The following WWOX variants were observed in gnomAD, a reference collection of about 807,000 sequenced individuals.
WWOX encodes the protein WW domain containing oxidoreductase.
In WWOX, 69 loss-of-function variants were observed where a neutral mutation model predicts 46.2. That is an observed-to-expected ratio of 1.49 (90% CI 1.23 to 1.82). The LOEUF is 1.82. Ranked by LOEUF, WWOX falls within the 40% of genes most tolerant of loss-of-function variation. The pLI, the probability that WWOX is intolerant of heterozygous loss-of-function variation, is 0.00. For synonymous variants in WWOX, 359 were observed against 202.6 expected (o/e 1.77, Z -6.56); for missense variants, 919 against 542.6 (o/e 1.69, Z -6.89).
chr16:79,056,759 T>G (rs760118243), intron 8 of WWOX, among the ~76,000 whole-genome samples: 2 of 152,210 alleles, frequency 1.3e-5, no homozygotes, highest in Non-Finnish European at 2.9e-5. Context: ...GAAGTTTTTC[T>G]TGCTAAGTTT....
intron 8 of WWOX, among the ~76,000 whole-genome samples, chr16:78,595,121 A>C (rs2045456921): frequency 6.6e-6 from 1 of 152,198 alleles, no homozygotes. Flanking sequence ...TGGCAGAAGA[A>C]GACATTGCAA....
At chr16:78,657,369 C>T (rs1273694571) in intron 8 of WWOX, among the ~76,000 whole-genome samples, 5 of 152,100 alleles carry the variant, frequency 3.3e-5, no homozygotes, top group Admixed American at 2.6e-4. Context: ...ATAGTTCTCC[C>T]CCATCCTGTA....
chr16:78,628,157 A>G (rs750163273), intron 8 of WWOX, among the ~76,000 whole-genome samples: 2 of 152,162 alleles, frequency 1.3e-5, no homozygotes, highest in African/African-American at 2.4e-5. Flanking sequence ...GGAGGTGGGA[A>G]AGCAAAAGCT....
chr16:78,939,859 T>C (rs1446333397), intron 8 of WWOX, among the ~76,000 whole-genome samples: 1 of 152,240 alleles, frequency 6.6e-6, no homozygotes, highest in East Asian at 1.9e-4. Flanking sequence ...CTTTTTGGCA[T>C]AGACGTGTGG....
At chr16:78,875,357 T>TA in intron 8 of WWOX, among the ~76,000 whole-genome samples, 1 of 152,210 alleles carries the variant, frequency 6.6e-6, no homozygotes, top group South Asian at 2.1e-4. Context: ...AGCTTTATGA[T>TA]GCTCCCAGTA....
chr16:78,253,946 A>T (rs940542327), intron 5 of WWOX, among the ~76,000 whole-genome samples: 1 of 152,154 alleles, frequency 6.6e-6, no homozygotes, highest in Non-Finnish European at 1.5e-5. Context: ...TGCCTTACAA[A>T]TTGAGTGCAA....
intron 8 of WWOX, among the ~76,000 whole-genome samples, chr16:78,916,486 G>A (rs1441455902): frequency 2.0e-5 from 3 of 152,106 alleles, no homozygotes; most frequent in Admixed American, 1.3e-4. Flanking sequence ...TGCTCTAAAG[G>A]GAAAAGCTTT....
intron 8 of WWOX, among the ~76,000 whole-genome samples, chr16:78,731,679 C>T (rs978958506): frequency 2.6e-5 from 4 of 151,972 alleles, no homozygotes; most frequent in Non-Finnish European, 4.4e-5. Flanking sequence ...GATCAAGCAT[C>T]GTCATGATCA....
intron 5 of WWOX, among the ~76,000 whole-genome samples, chr16:78,348,980 G>T (rs921928612): frequency 8.3e-6 from 1 of 120,294 alleles, no homozygotes; most frequent in African/African-American, 2.8e-5. Context: ...GCAGATAGAG[G>T]CCGGTGTACT....
intron 8 of WWOX, among the ~76,000 whole-genome samples, chr16:78,755,274 A>G (rs1183631672): frequency 5.9e-5 from 9 of 151,400 alleles, no homozygotes; most frequent in Non-Finnish European, 1.3e-4. Flanking sequence ...GAAAAAAGAG[A>G]CTCTCTTCCT....
intron 8 of WWOX, among the ~76,000 whole-genome samples, chr16:78,990,711 A>C (rs2046870955): frequency 6.6e-6 from 1 of 151,640 alleles, no homozygotes; most frequent in South Asian, 2.2e-4. Flanking sequence ...GGAAGAAGGA[A>C]GGAGGAAGGA....
chr16:78,412,169 C>T (rs1481395661), intron 6 of WWOX, among the ~76,000 whole-genome samples: 1 of 152,146 alleles, frequency 6.6e-6, no homozygotes, highest in East Asian at 1.9e-4. Context: ...CTGACATTGA[C>T]CAGTCATGGA....
intron 8 of WWOX, among the ~76,000 whole-genome samples, chr16:78,963,028 C>T (rs139057561): frequency 6.6e-6 from 1 of 152,280 alleles, no homozygotes; most frequent in Non-Finnish European, 1.5e-5. Context: ...TGAAAAATTG[C>T]AGACGTACAC....
At chr16:78,901,048 G>C (rs538975988) in intron 8 of WWOX, among the ~76,000 whole-genome samples, 2 of 152,254 alleles carry the variant, frequency 1.3e-5, no homozygotes, top group African/African-American at 2.4e-5. Flanking sequence ...TCTCTTTTCA[G>C]ACCCAACCCT....
intron 8 of WWOX, among the ~76,000 whole-genome samples, chr16:78,614,019 A>C (rs2045960929): frequency 1.3e-5 from 2 of 152,342 alleles, no homozygotes; most frequent in Non-Finnish European, 1.5e-5. Context: ...CCATATGCCC[A>C]CAAAGCCTAA....
intron 5 of WWOX, among the ~76,000 whole-genome samples, chr16:78,213,028 G>A (rs911629783): frequency 1.3e-4 from 20 of 152,020 alleles, no homozygotes; most frequent in East Asian, 1.9e-4. Context: ...GGAGGTGGGC[G>A]GATCACTTTA....
chr16:78,814,696 A>G (rs990689889), intron 8 of WWOX, among the ~76,000 whole-genome samples: 3 of 152,212 alleles, frequency 2.0e-5, no homozygotes, highest in African/African-American at 4.8e-5. Flanking sequence ...AGGTTTTCCA[A>G]TCAGGTATTT....
intron 8 of WWOX, among the ~76,000 whole-genome samples, chr16:78,663,678 C>T (rs2047267018): frequency 6.6e-6 from 1 of 152,084 alleles, no homozygotes; most frequent in Non-Finnish European, 1.5e-5. Context: ...ACATGTCTGA[C>T]ATCATTTAAA....
chr16:78,961,444 G>C (rs368709390), intron 8 of WWOX, among the ~76,000 whole-genome samples: 8 of 152,108 alleles, frequency 5.3e-5, no homozygotes, highest in African/African-American at 1.9e-4. Flanking sequence ...TACATGGATG[G>C]ATGGATGGAT....
Sources: gnomAD v4.1 joint callset for allele counts (sites outside exome capture counted in the v4.1 genomes callset) on GRCh38, gnomAD v4.1.1 for gene constraint, MANE v1.5 for transcripts, NCBI Gene and HGNC (gene_info 2026-07-23, HGNC 2026-07-21) for gene names.